Variants in NCOA2 observed in about 807,000 individuals in gnomAD.
NCOA2 encodes nuclear receptor coactivator 2.
Under a neutral mutation model 145.1 loss-of-function variants are expected in NCOA2, and 21 were observed. The observed-to-expected ratio is 0.14, with a 90% CI of 0.10 to 0.21. The LOEUF is 0.21. Ranked by LOEUF, NCOA2 falls within the 10% of genes least tolerant of loss-of-function variation. The pLI is 1.00. For missense variants in NCOA2, 1,472 were observed against 1,837.6 expected (o/e 0.80, Z 3.64); for synonymous variants, 619 against 637.5 (o/e 0.97, Z 0.44).
chr8:70,210,787 C>A (rs1818936252), intron 4 of NCOA2, among the ~76,000 whole-genome samples: 1 of 152,162 alleles, frequency 6.6e-6, no homozygotes, highest in South Asian at 2.1e-4. Context: ...CAGCTTTCCT[C>A]ATTGTGTATT....
the NCOA2 span, among the ~76,000 whole-genome samples, chr8:70,451,237 A>AAAAAT: frequency 1.0e-3 from 70 of 69,480 alleles, no homozygotes; most frequent in South Asian, 4.3e-3. Context: ...AAAAAAAAAA[A>AAAAAT]ATATATATAT....
At chr8:70,206,652 C>A (rs972129505) in intron 4 of NCOA2, among the ~76,000 whole-genome samples, 2 of 152,050 alleles carry the variant, frequency 1.3e-5, no homozygotes, top group African/African-American at 4.8e-5. Context: ...TTTAATGTTA[C>A]CCTCTCCAAA....
At position 70,155,954 on chromosome 8, in the gene NCOA2, G is replaced by T; in HGVS notation, c.2394+17C>A. The T allele has an allele frequency of 6.5e-7, 1 of 1,540,468 alleles. No homozygotes were observed. On this transcript the variant is annotated intron_variant, in intron 11 of 22. Transcript: ENST00000452400. ...ATACAGATTAGTACACCTGCGAGAA[G>T]ATGTGATAAAACTTACCTGGTCACC...
chr8:70,252,291 G>A (rs912777719), intron 2 of NCOA2, among the ~76,000 whole-genome samples: 1 of 152,164 alleles, frequency 6.6e-6, no homozygotes, highest in Non-Finnish European at 1.5e-5. Flanking sequence ...GTGGTAGTTA[G>A]TGGCTGGCTG....
intron 1 of NCOA2, among the ~76,000 whole-genome samples, chr8:70,324,483 A>G (rs1292021731): frequency 6.6e-6 from 1 of 152,114 alleles, no homozygotes; most frequent in African/African-American, 2.4e-5. Flanking sequence ...GACTGTAGGC[A>G]CGTGCCACTG....
intron 1 of NCOA2, among the ~76,000 whole-genome samples, chr8:70,309,277 T>C (rs72663977): frequency 0.024 from 3,601 of 151,964 alleles, 55 homozygotes; most frequent in Non-Finnish European, 0.036. Flanking sequence ...CACAGAATTA[T>C]GAGCTATATT....
the NCOA2 span, among the ~76,000 whole-genome samples, chr8:70,440,263 C>A: frequency 6.6e-6 from 1 of 151,230 alleles, no homozygotes; most frequent in Non-Finnish European, 1.5e-5. Context: ...GGCAACAGAG[C>A]GAGACTCCGT....
chr8:70,353,767 C>T (rs1449919931), intron 1 of NCOA2, among the ~76,000 whole-genome samples: 3 of 152,000 alleles, frequency 2.0e-5, no homozygotes, highest in Non-Finnish European at 4.4e-5. Flanking sequence ...ATGGTTTGGC[C>T]TATACGATTT....
At chr8:70,384,636 A>G (rs1316741404) in intron 1 of NCOA2, among the ~76,000 whole-genome samples, 1 of 152,226 alleles carries the variant, frequency 6.6e-6, no homozygotes, top group Non-Finnish European at 1.5e-5. Flanking sequence ...ATTATTTTCC[A>G]TATGATAATT....
At chr8:70,253,839 T>C (rs78912182) in intron 2 of NCOA2, among the ~76,000 whole-genome samples, 5,355 of 152,210 alleles carry the variant, frequency 0.035, 446 homozygotes, top group East Asian at 0.21. Context: ...GACACAGGAT[T>C]TGGTATTTCT....
At chr8:70,423,676 T>C in the NCOA2 span, among the ~76,000 whole-genome samples, 3 of 152,134 alleles carry the variant, frequency 2.0e-5, no homozygotes, top group South Asian at 6.2e-4. Flanking sequence ...TCTGTAAAGG[T>C]TGTCACATGT....
the NCOA2 span, among the ~76,000 whole-genome samples, chr8:70,443,449 C>G: frequency 3.9e-5 from 6 of 152,142 alleles, no homozygotes; most frequent in African/African-American, 1.4e-4. Flanking sequence ...TATCTTTAGA[C>G]AGCAGTGATT....
intron 2 of NCOA2, among the ~76,000 whole-genome samples, chr8:70,248,753 G>A (rs1822833680): frequency 1.4e-5 from 1 of 73,192 alleles, no homozygotes; most frequent in Admixed American, 1.7e-4. Context: ...AATAATGACA[G>A]GGGAAAAAAG....
intron 11 of NCOA2, among the ~76,000 whole-genome samples, chr8:70,152,490 T>C (rs574707737): frequency 6.6e-6 from 1 of 152,368 alleles, no homozygotes; most frequent in Admixed American, 6.5e-5. Flanking sequence ...TAAAATATGG[T>C]TTGCCTTTCT....
intron 15 of NCOA2, 148 bp from the exon 16 acceptor site, chr8:70,132,150 G>C: frequency 1.3e-6 from 1 of 775,670 alleles, no homozygotes; most frequent in Non-Finnish European, 2.0e-6. Flanking sequence ...CAAAAGGACA[G>C]TCTGAAATAT....
At chr8:70,365,334 AAAAC>A (rs996275157) in intron 1 of NCOA2, among the ~76,000 whole-genome samples, 6 of 152,230 alleles carry the variant, frequency 3.9e-5, no homozygotes, top group Non-Finnish European at 5.9e-5. Flanking sequence ...TCCGTCTCAA[AAAAC>A]AAACAAACAA....
In NCOA2 at chr8:70,304,989, T is replaced by C. The variant is rs549731089; in HGVS notation, c.-76-8189A>G. ...TACCCATGTCGGCCTCCTGAGTAGCTAGGACTATATTAGGCATGCACCACC... is the reference window on the plus strand; with the variant it reads ...TACCCATGTCGGCCTCCTGAGTAGCCAGGACTATATTAGGCATGCACCACC... On this transcript the variant is annotated intron_variant, in intron 1 of 22. Coordinates refer to ENST00000452400, the MANE Select transcript of NCOA2 (RefSeq NM_006540.4). 8.9e-4 allele frequency among the ~76,000 whole-genome samples: 135 copies of C among 151,532 alleles called. 1 individual carries two copies. Among genetic ancestry groups the C allele is most frequent in the Non-Finnish European group, 1.6e-3 (110 of 67,898 alleles).
chr8:70,193,045 C>T (rs574005744), intron 4 of NCOA2, among the ~76,000 whole-genome samples: 87 of 123,842 alleles, frequency 7.0e-4, no homozygotes, highest in African/African-American at 2.3e-3. Context: ...CCAGCCTGGG[C>T]GACAGAGCGA....
chr8:70,413,097 CA>C, the NCOA2 span, among the ~76,000 whole-genome samples: 10,648 of 59,358 alleles, frequency 0.18, 447 homozygotes, highest in African/African-American at 0.33. Flanking sequence ...GACTCCGTCT[CA>C]AAAAAAAAAA....
Sources: allele counts gnomAD v4.1 joint callset (sites outside exome capture counted in the v4.1 genomes callset), GRCh38; gene constraint gnomAD v4.1.1; transcripts MANE v1.5; gene names NCBI Gene and HGNC (gene_info 2026-07-23, HGNC 2026-07-21).